RANBP17: variants seen among roughly 807,000 people sequenced by gnomAD.
RANBP17 encodes the protein ran-binding protein 17.
In RANBP17, 158 loss-of-function variants were observed where a neutral mutation model predicts 141.2. That is an observed-to-expected ratio of 1.12 (90% CI 0.98 to 1.28). The LOEUF (loss-of-function observed/expected upper bound fraction) is 1.28. RANBP17 is among the 50% of genes most tolerant of loss of function. RANBP17 has a pLI of 0.00. For synonymous variants in RANBP17, 430 were observed against 450.0 expected (o/e 0.96, Z 0.56); for missense variants, 1,438 against 1,290.7 (o/e 1.11, Z -1.75).
At chr5:171,175,708 T>G (rs1760422452) in intron 16 of RANBP17, among the ~76,000 whole-genome samples, 1 of 152,008 alleles carries the variant, frequency 6.6e-6, no homozygotes, top group African/African-American at 2.4e-5. Flanking sequence ...ATTAGAGAAA[T>G]GCAAATCAGA....
At chr5:171,277,637 G>GTGTATGTATATATA (rs1437482589) in intron 25 of RANBP17, among the ~76,000 whole-genome samples, 9 of 56,920 alleles carry the variant, frequency 1.6e-4, no homozygotes, top group African/African-American at 5.2e-4. Context: ...ATATATGTAT[G>GTGTATGTATATATA]TATATATATA....
chr5:171,107,046 T>TGTC (rs1295640590), intron 14 of RANBP17, among the ~76,000 whole-genome samples: 1 of 151,916 alleles, frequency 6.6e-6, no homozygotes. Flanking sequence ...TTGTTGTTGT[T>TGTC]GTTTTGGAGT....
At chr5:171,116,143 G>A (rs568913204) in intron 14 of RANBP17, among the ~76,000 whole-genome samples, 3 of 151,796 alleles carry the variant, frequency 2.0e-5, no homozygotes, top group Non-Finnish European at 4.4e-5. Context: ...CCTGTTAGAG[G>A]AGGAGGGAGT....
At chr5:171,124,959 G>A (rs1756321969) in intron 14 of RANBP17, among the ~76,000 whole-genome samples, 1 of 152,194 alleles carries the variant, frequency 6.6e-6, no homozygotes, top group Admixed American at 6.5e-5. Context: ...ACTATATGCT[G>A]CCTACAAGTA....
intron 18 of RANBP17, among the ~76,000 whole-genome samples, chr5:171,184,098 A>C (rs977276488): frequency 3.9e-5 from 6 of 152,178 alleles, no homozygotes; most frequent in African/African-American, 1.4e-4. Context: ...AAATAAAATG[A>C]CTGTACAATC....
intron 14 of RANBP17, among the ~76,000 whole-genome samples, chr5:171,162,869 G>A (rs1759446916): frequency 6.6e-6 from 1 of 152,150 alleles, no homozygotes; most frequent in African/African-American, 2.4e-5. Context: ...GGAAATGTGA[G>A]GCCAAAGTGG....
At chr5:170,932,663 T>A in intron 12 of RANBP17, among the ~76,000 whole-genome samples, 1 of 152,174 alleles carries the variant, frequency 6.6e-6, no homozygotes, top group East Asian at 1.9e-4. Context: ...TCTATTGAGA[T>A]AATCATGTGG....
chr5:171,195,912 A>G (rs767947024), intron 18 of RANBP17, among the ~76,000 whole-genome samples: 3 of 152,230 alleles, frequency 2.0e-5, no homozygotes, highest in Non-Finnish European at 4.4e-5. Flanking sequence ...AGTGTTTTTT[A>G]AGCAAATAAA....
chr5:171,283,105 A>G (rs752399344), intron 25 of RANBP17, among the ~76,000 whole-genome samples: 1 of 152,002 alleles, frequency 6.6e-6, no homozygotes, highest in Non-Finnish European at 1.5e-5. Flanking sequence ...ACAGATCCAA[A>G]TGTCACCTTC....
chr5:171,260,331 G>GGT (rs1766219932), intron 24 of RANBP17, among the ~76,000 whole-genome samples: 1 of 149,264 alleles, frequency 6.7e-6, no homozygotes, highest in African/African-American at 2.5e-5. Context: ...ATCTGGGCAT[G>GGT]GTGGCACACA....
intron 24 of RANBP17, among the ~76,000 whole-genome samples, chr5:171,248,480 A>C (rs1350412592): frequency 6.6e-6 from 1 of 152,160 alleles, no homozygotes; most frequent in Non-Finnish European, 1.5e-5. Flanking sequence ...TCAGTATTGC[A>C]GAGAAAAGGG....
chr5:171,120,037 CAAAAAAAAAAA>C (rs34991479), intron 14 of RANBP17, among the ~76,000 whole-genome samples: 1 of 101,104 alleles, frequency 9.9e-6, no homozygotes, highest in African/African-American at 4.4e-5. Context: ...AACTTAGTCT[CAAAAAAAAAAA>C]AAAAAAAAAT....
chr5:171,247,868 A>G (rs1765303131), intron 24 of RANBP17, among the ~76,000 whole-genome samples: 1 of 152,248 alleles, frequency 6.6e-6, no homozygotes, highest in Non-Finnish European at 1.5e-5. Context: ...ATAATTGAAC[A>G]AACAAATACA....
intron 12 of RANBP17, among the ~76,000 whole-genome samples, chr5:170,951,151 T>C (rs1775178289): frequency 6.6e-6 from 1 of 152,038 alleles, no homozygotes; most frequent in Non-Finnish European, 1.5e-5. Context: ...GTATAAGTTC[T>C]AATGTTTGAT....
chr5:171,172,983 A>T (rs1296703021), intron 16 of RANBP17, among the ~76,000 whole-genome samples: 24 of 151,990 alleles, frequency 1.6e-4, no homozygotes, highest in Non-Finnish European at 5.9e-5. Flanking sequence ...ATAATATTTT[A>T]AGCCAGGGGA....
intron 14 of RANBP17, among the ~76,000 whole-genome samples, chr5:171,088,826 G>A (rs1188394647): frequency 6.6e-6 from 1 of 152,054 alleles, no homozygotes; most frequent in Admixed American, 6.5e-5. Flanking sequence ...GCTCCTTTAA[G>A]TACTTCTCTT....
At position 170,862,202 on chromosome 5, in the gene RANBP17, C is replaced by A. The variant is rs1334452294; in HGVS notation, c.18+151C>A. On this transcript the variant is annotated intron_variant, in intron 1 of 27. Transcript: ENST00000523189. ...CCCAGCCCCTGCCTCTGCCCCTAGC[C>A]GGGGACCGGGACACTGGTCTGGGCT... is the stretch of plus-strand genomic sequence containing the variant. 2.4e-5 allele frequency: 19 copies of A among 804,544 alleles called. No homozygotes were observed. In the South Asian group the frequency reaches 4.8e-4, roughly 20 times the overall value. The allele number at this position is 804,544 out of a possible 1,614,324, so 49.8% of individuals were successfully genotyped here.
At chr5:171,083,195 C>G (rs1015050436) in intron 14 of RANBP17, among the ~76,000 whole-genome samples, 1 of 152,112 alleles carries the variant, frequency 6.6e-6, no homozygotes, top group Non-Finnish European at 1.5e-5. Context: ...CCTCAACATT[C>G]ATATGTTGAA....
At chr5:171,059,622 G>A (rs1278257789) in intron 14 of RANBP17, among the ~76,000 whole-genome samples, 3 of 151,892 alleles carry the variant, frequency 2.0e-5, no homozygotes, top group Non-Finnish European at 2.9e-5. Context: ...TGTTCTTTTG[G>A]CTTAGGATTG....
Sources: allele counts gnomAD v4.1 joint callset (sites outside exome capture counted in the v4.1 genomes callset), GRCh38; gene constraint gnomAD v4.1.1; transcripts MANE v1.5; gene names NCBI Gene and HGNC (gene_info 2026-07-23, HGNC 2026-07-21).